The following GALNT2 variants were observed in gnomAD, a reference collection of about 807,000 sequenced individuals.
GALNT2 encodes UDP-GalNAc:polypeptide N-acetylgalactosaminyltransferase 2.
GALNT2 carries 31 observed loss-of-function variants against 81.4 expected under a neutral mutation model. That is an observed-to-expected ratio of 0.38 (90% CI 0.29 to 0.51). GALNT2 has a LOEUF of 0.51. Ranked by LOEUF, GALNT2 falls within the 20% of genes least tolerant of loss-of-function variation. GALNT2 has a pLI of 0.87. For missense variants in GALNT2, 629 were observed against 765.7 expected (o/e 0.82, Z 2.11); for synonymous variants, 303 against 287.4 (o/e 1.05, Z -0.55).
At position 230,243,607 on chromosome 1, in the gene GALNT2, A is replaced by G. The variant is rs747667172; in HGVS notation, c.729+180A>G. On this transcript the variant is annotated intron_variant, in intron 7 of 15. Coordinates refer to ENST00000366672, the MANE Select transcript of GALNT2 (RefSeq NM_004481.5). This position sits in a 1 kb window ranked among gnomAD's most constrained non-coding sequence, Gnocchi z 4.2. ...AAAATGCCTTTGGGGCATTGTAGAA[A>G]GACTGTTTTACTGGCTGTAGGAATC... Among the ~76,000 whole-genome samples the G allele has an allele frequency of 2.6e-5, 4 of 152,208 alleles. No homozygotes were observed. Among genetic ancestry groups the G allele is most frequent in the Non-Finnish European group, 4.4e-5 (3 of 68,040 alleles).
At chr1:230,141,050 T>C (rs1661715100) in intron 1 of GALNT2, among the ~76,000 whole-genome samples, 3 of 152,384 alleles carry the variant, frequency 2.0e-5, no homozygotes, top group Admixed American at 6.5e-5. Flanking sequence ...GAAACAAGAA[T>C]GCATAGATCT....
Position 230,257,231 on chromosome 1 carries a change from C to T in GALNT2, c.1136+1887C>T, listed in dbSNP as rs1423553288. On this transcript the variant is annotated intron_variant, in intron 11 of 15. Transcript: ENST00000366672. The surrounding 1 kb of genome is among the most constrained non-coding windows in gnomAD (Gnocchi z 4.6). ...GTCTGTTTTATGCTTTGGAAAGGTC[C>T]GTATGGTTGCTGGGCAGAGGGTGGC... Among the ~76,000 whole-genome samples, 2 of 152,152 alleles carry T rather than the reference C, an allele frequency of 1.3e-5. No homozygotes were observed. The highest frequency in any genetic ancestry group is 6.5e-5 in the Admixed American group (1 of 15,272).
chr1:230,058,085 A>G, intron 1 of GALNT2: 1 of 456,282 alleles, frequency 2.2e-6, no homozygotes, highest in South Asian at 1.5e-5. Context: ...CAGAGTAAGT[A>G]GAACTTCTCA....
Position 230,274,480 on chromosome 1 carries a change from C to G in GALNT2, c.1476C>G (p.His492Gln). ...TGACGAAGGAGAAGTCGGTGAAGCA[C>G]ATGGATTTGTGCCTTACTGTGGTGG... ...WALTKEKSVKHMDLCLTVVDR... is the reference protein window; with the variant it reads ...WALTKEKSVKQMDLCLTVVDR... Residue 492 changes from histidine (H) to glutamine (Q), a missense_variant, in exon 15 of 16, where the codon CAC becomes CAG. Physicochemically the swap from His to Gln is conservative, Grantham distance 24. Coordinates refer to ENST00000366672, the MANE Select transcript of GALNT2 (RefSeq NM_004481.5). 6.2e-7 allele frequency: 1 copy of G among 1,613,802 alleles called. No individual in the cohort carries two copies. The highest frequency in any genetic ancestry group is 8.5e-7 in the Non-Finnish European group (1 of 1,179,830).
At chr1:230,120,156 G>A (rs1007248735) in intron 1 of GALNT2, among the ~76,000 whole-genome samples, 58 of 146,528 alleles carry the variant, frequency 4.0e-4, no homozygotes, top group Non-Finnish European at 1.9e-4. Flanking sequence ...TCTTGCATGC[G>A]TTGGGGGTGG....
At chr1:230,135,337 C>T (rs1041512180) in intron 1 of GALNT2, among the ~76,000 whole-genome samples, 6 of 152,156 alleles carry the variant, frequency 3.9e-5, no homozygotes, top group African/African-American at 1.4e-4. Flanking sequence ...ATTCCTGTGG[C>T]TCTATTTTCT....
In GALNT2 at chr1:230,250,513, T is replaced by G. The variant is rs750924674; in HGVS notation, c.962T>G (p.Leu321Arg). Residue 321 changes from leucine to arginine, a missense_variant, in exon 10 of 16, where the codon CTG (leucine) becomes CGG (arginine). Leu to Arg is a moderately radical substitution (Grantham distance 102, BLOSUM62 -2). Around this residue, in one of 3 missense-constraint regions of GALNT2, gnomAD observed 360 missense variants for 492.8 expected, o/e 0.73. Coordinates refer to ENST00000366672, the MANE Select transcript of GALNT2 (RefSeq NM_004481.5). ...FVMDKFYFEE[L>R]GKYDMMMDVW... ...ATGGATAAGTTCTATTTTGAAGAAC[T>G]GGGGAAGTACGACATGATGATGGAT... 1 of 1,613,898 alleles carries G rather than the reference T, an allele frequency of 6.2e-7. No individual in the cohort carries two copies. The highest frequency in any genetic ancestry group is 8.5e-7 in the Non-Finnish European group (1 of 1,179,922).
chr1:230,238,875 GC>G, intron 6 of GALNT2, among the ~76,000 whole-genome samples: 1 of 152,000 alleles, frequency 6.6e-6, no homozygotes, highest in East Asian at 1.9e-4. Flanking sequence ...TGGAAAGTGT[GC>G]CCTTCTATTT....
At chr1:230,205,715 T>C (rs1185113904) in intron 3 of GALNT2, among the ~76,000 whole-genome samples, 1 of 152,178 alleles carries the variant, frequency 6.6e-6, no homozygotes, top group Non-Finnish European at 1.5e-5. Flanking sequence ...GGTGCGTTTC[T>C]GGGGACAGGG....
rs1037253958 is a variant in GALNT2, at chr1:230,281,573, C to G, written c.*2115C>G. On this transcript the variant is annotated 3_prime_UTR_variant, in exon 16 of 16. Transcript: ENST00000366672. ...ACGTTTTCTGACGAATCCTTTGCCC[C>G]TTCACCTTTACCCCGCCCGCACCCC... 1.3e-5 allele frequency: 2 copies of G among 152,592 alleles called. No individual in the cohort carries two copies. Among genetic ancestry groups the G allele is most frequent in the African/African-American group, 4.8e-5 (2 of 41,450 alleles). The allele number at this position is 152,592 out of a possible 1,614,324, so 9.5% of individuals were successfully genotyped here.
rs1665250852 is a variant in GALNT2, at chr1:230,243,187, G to A, written c.608-119G>A. The A allele has an allele frequency of 7.5e-7, 1 of 1,326,890 alleles. No individual in the cohort carries two copies. 82.2% of individuals were successfully genotyped at this position (1,326,890 alleles called of 1,614,324 possible). A position where few individuals can be genotyped will look rare whatever the true frequency, so the allele number is the denominator to read the frequency against. ...TCTCATCCAGCAAGTTTACAGTAAT[G>A]TCCGTGCCCAGAAAGCAGGCTGCAG... On this transcript the variant is annotated intron_variant, in intron 6 of 15. Coordinates refer to ENST00000366672, the MANE Select transcript of GALNT2 (RefSeq NM_004481.5). This position sits in a 1 kb window ranked among gnomAD's most constrained non-coding sequence, Gnocchi z 4.2.
intron 14 of GALNT2, among the ~76,000 whole-genome samples, chr1:230,274,056 C>T (rs2102780629): frequency 6.6e-6 from 1 of 152,360 alleles, no homozygotes; most frequent in African/African-American, 2.4e-5. Flanking sequence ...ATGGGTGGAC[C>T]AGTTGCCAAC....
At chr1:230,081,099 C>T (rs1286341947) in intron 1 of GALNT2, among the ~76,000 whole-genome samples, 1 of 152,178 alleles carries the variant, frequency 6.6e-6, no homozygotes, top group African/African-American at 2.4e-5. Flanking sequence ...CCAGCCTCCG[C>T]AGACCATGCC....
intron 15 of GALNT2, among the ~76,000 whole-genome samples, chr1:230,278,092 G>T (rs959039969): frequency 4.6e-5 from 7 of 150,742 alleles, no homozygotes; most frequent in African/African-American, 1.5e-4. Flanking sequence ...TTTTAAAGGG[G>T]GATTTTTCTG....
intron 8 of GALNT2, among the ~76,000 whole-genome samples, chr1:230,247,171 G>T (rs1665399233): frequency 6.6e-6 from 1 of 152,144 alleles, no homozygotes; most frequent in African/African-American, 2.4e-5. Flanking sequence ...GGTCAAGGCT[G>T]CAGTGAGCCA....
At chr1:230,205,802 A>C (rs896262450) in intron 3 of GALNT2, among the ~76,000 whole-genome samples, 3 of 152,182 alleles carry the variant, frequency 2.0e-5, no homozygotes, top group Non-Finnish European at 4.4e-5. Flanking sequence ...CAGGCCAAGC[A>C]GCCCATGCCA....
Position 230,116,386 on chromosome 1 carries a change from C to T in GALNT2, c.126+48980C>T, listed in dbSNP as rs912304664. ...CTGGGATTGCAGGCACACACCACCA[C>T]GCCCAACTAATTTTTGTATTTTTAG... On this transcript the variant is annotated intron_variant, in intron 1 of 15. Coordinates refer to ENST00000366672, the MANE Select transcript of GALNT2 (RefSeq NM_004481.5). 1.1e-4 allele frequency among the ~76,000 whole-genome samples: 16 copies of T among 152,126 alleles called. No individual in the cohort carries two copies. The South Asian group carries it at 1.9e-3, about 18-fold the overall frequency.
At chr1:230,169,882 A>G (rs1463897021) in intron 1 of GALNT2, among the ~76,000 whole-genome samples, 1 of 152,234 alleles carries the variant, frequency 6.6e-6, no homozygotes, top group East Asian at 1.9e-4. Flanking sequence ...TTTTCGCAGC[A>G]TTGAGTTTCA....
intron 1 of GALNT2, among the ~76,000 whole-genome samples, chr1:230,162,099 G>A (rs965650085): frequency 6.6e-6 from 1 of 152,174 alleles, no homozygotes; most frequent in Non-Finnish European, 1.5e-5. Flanking sequence ...TTATAGTACT[G>A]TTGAACAAGC....
Sources: allele counts gnomAD v4.1 joint callset (sites outside exome capture counted in the v4.1 genomes callset), GRCh38; gene constraint gnomAD v4.1.1; regional missense constraint gnomAD v4.1.1; non-coding constraint Gnocchi (gnomAD v3.1); transcripts MANE v1.5; gene names NCBI Gene and HGNC (gene_info 2026-07-23, HGNC 2026-07-21).